Variants in TIE1 observed in about 807,000 individuals in gnomAD.
The protein encoded by TIE1 is tyrosine-protein kinase receptor Tie-1.
Under a neutral mutation model 130.5 loss-of-function variants are expected in TIE1, and 89 were observed. The observed-to-expected ratio is 0.68, with a 90% confidence interval of 0.57 to 0.81. The LOEUF (loss-of-function observed/expected upper bound fraction) is 0.81. Among genes scored for constraint, TIE1 ranks in the 40% least tolerant of loss-of-function variants. TIE1 has a pLI of 0.00. For synonymous variants in TIE1, 568 were observed against 629.4 expected (o/e 0.90, Z 1.46); for missense variants, 1,392 against 1,559.8 (o/e 0.89, Z 1.81).
At chr1:43,301,460 G>A (rs1479635541) in intron 1 of TIE1, among the ~76,000 whole-genome samples, 1 of 149,334 alleles carries the variant, frequency 6.7e-6, no homozygotes, top group Non-Finnish European at 1.5e-5. Context: ...CGTCTCCATT[G>A]TGTTTAGACT....
chr1:43,319,106 C>A lies in TIE1; in HGVS notation c.2923-129C>A, dbSNP rs1646888904. The A allele has an allele frequency of 3.0e-6, 2 of 677,568 alleles. No individual in the cohort carries two copies. Among genetic ancestry groups the A allele is most frequent in the East Asian group, 2.7e-5 (1 of 37,656 alleles). The allele number at this position is 677,568 out of a possible 1,614,324, so 42.0% of individuals were successfully genotyped here. A position where few individuals can be genotyped will look rare whatever the true frequency, so the allele number is the denominator to read the frequency against. On this transcript the variant is annotated intron_variant, in intron 17 of 22. Coordinates refer to ENST00000372476, the MANE Select transcript of TIE1 (RefSeq NM_005424.5). This position sits in a 1 kb window ranked among gnomAD's most constrained non-coding sequence, Gnocchi z 4.7. ...AGATATGAGTCAGCTGACGAGATTG[C>A]AGCCAGGAGGGTAGGAGTATGGGGT...
rs1464187085 is a variant in TIE1, at chr1:43,303,394, ATC to A, written c.59-1456_59-1455del. On this transcript the variant is annotated intron_variant, in intron 1 of 22. Coordinates refer to ENST00000372476, the MANE Select transcript of TIE1 (RefSeq NM_005424.5). The stretch of plus-strand genomic sequence containing the variant: ...ATCCTCCTCTGTAACTGGAAAGAAT[ATC>A]CACTTCACTGGTTGTGAGGATCCAG... 2.0e-5 allele frequency among the ~76,000 whole-genome samples: 3 copies of A among 152,178 alleles called. No homozygotes were observed. The East Asian group carries it at 5.8e-4, about 29-fold the overall frequency.
rs761296237 is a variant in TIE1 at position 43,312,068 on chromosome 1, C to A, written c.1567C>A (p.Arg523=). The change falls in exon 11 of 23, where the codon CGG becomes AGG. Residue 523 remains arginine, a synonymous_variant. Coordinates refer to ENST00000372476, the MANE Select transcript of TIE1 (RefSeq NM_005424.5). The surrounding 1 kb of genome is among the most constrained non-coding windows in gnomAD (Gnocchi z 5.6). ...ATACAGTGTTCGTGTGCAGCTGAGCCGGCCAGGGGAAGGAGGAGAGGGGGC... is the reference window on the plus strand; with the variant it reads ...ATACAGTGTTCGTGTGCAGCTGAGCAGGCCAGGGGAAGGAGGAGAGGGGGC... The part of the protein sequence containing the change: ...TGYSVRVQLS[R]PGEGGEGAWG... 47 of 1,605,760 alleles carry A rather than the reference C, an allele frequency of 2.9e-5. No individual in the cohort carries two copies. Among genetic ancestry groups the A allele is most frequent in the Non-Finnish European group, 3.8e-5 (45 of 1,174,652 alleles).
In TIE1 at chr1:43,301,080, G is replaced by A; in HGVS notation, c.9G>A (p.Trp3Ter). MV[W>*]RVPPFLLPIL... is the part of the protein sequence containing the mutation. ...GGGTCGGCCTCTGGAGTATGGTCTG[G>A]CGGGTGCCCCCTTTCTTGCTCCCCA... The change falls in exon 1 of 23, where the codon TGG becomes TGA. Residue 3 changes from tryptophan to a stop codon, truncating the protein, a stop_gained. Coordinates refer to ENST00000372476, the MANE Select transcript of TIE1 (RefSeq NM_005424.5). LOFTEE classifies it high-confidence loss of function. 1 of 1,613,888 alleles carries A rather than the reference G, an allele frequency of 6.2e-7. No individual in the cohort carries two copies. Among genetic ancestry groups the A allele is most frequent in the East Asian group, 2.2e-5 (1 of 44,858 alleles).
Position 43,317,186 on chromosome 1 carries a change from T to C in TIE1, c.2410-13T>C, listed in dbSNP as rs376589927. ...TGCGTGGACCGTCTGCCCTCTTGTC[T>C]CATCCTGTGAAGGGCGAGGAGACCA... On this transcript the variant is annotated splice_polypyrimidine_tract_variant and intron_variant, in intron 14 of 22. Coordinates refer to ENST00000372476, the MANE Select transcript of TIE1 (RefSeq NM_005424.5). This position sits in a 1 kb window ranked among gnomAD's most constrained non-coding sequence, Gnocchi z 5.1. The C allele has an allele frequency of 2.5e-6, 4 of 1,613,754 alleles. No homozygotes were observed. The African/African-American group carries it at 4.0e-5, about 16-fold the overall frequency.
Position 43,307,220 on chromosome 1 carries a change from A to C in TIE1, c.719A>C (p.His240Pro), listed in dbSNP as rs779186440. 1 of 1,614,176 alleles carries C rather than the reference A, an allele frequency of 6.2e-7. No homozygotes were observed. Reference sequence around the variant, plus strand: ...CTACATGGAGGTGTCTGCCACGACCATGACGGCGAATGTGTATGCCCCCCT... The same window carrying C: ...CTACATGGAGGTGTCTGCCACGACCCTGACGGCGAATGTGTATGCCCCCCT... The part of the protein sequence containing the change: ...GCLHGGVCHD[H>P]DGECVCPPGF... Residue 240 changes from histidine to proline, a missense_variant, in exon 5 of 23, where the codon CAT becomes CCT. His to Pro is a moderately conservative substitution (Grantham distance 77). Transcript: ENST00000372476. The surrounding 1 kb of genome is among the most constrained non-coding windows in gnomAD (Gnocchi z 5.4).
chr1:43,313,778 G>A lies in TIE1; in HGVS notation c.2219G>A (p.Gly740Glu). The A allele has an allele frequency of 6.2e-7, 1 of 1,611,000 alleles. No individual in the cohort carries two copies. Among genetic ancestry groups the A allele is most frequent in the Non-Finnish European group, 8.5e-7 (1 of 1,178,780 alleles). The part of the protein sequence containing the change: ...NTVEESTLGN[G>E]LQAEGPVQES... ...AATCTGCCCCTCTCACTGTGTCCAG[G>A]GCTGCAGGCTGAGGGCCCAGTCCAA... Residue 740 changes from glycine (G) to glutamate (E), a missense_variant and splice_region_variant, in exon 14 of 23, where the codon GGG (glycine) becomes GAG (glutamate). Gly to Glu is a moderately conservative substitution (Grantham distance 98, BLOSUM62 -2). Around this residue, in one of 6 missense-constraint regions of TIE1, gnomAD observed 551 missense variants for 565.5 expected, o/e 0.97. Transcript: ENST00000372476. This position sits in a 1 kb window ranked among gnomAD's most constrained non-coding sequence, Gnocchi z 6.2.
At position 43,311,818 on chromosome 1, in the gene TIE1, C is replaced by T. The variant is rs768104661; in HGVS notation, c.1481C>T (p.Ser494Leu). The T allele has an allele frequency of 3.7e-6, 6 of 1,612,966 alleles. No homozygotes were observed. Among genetic ancestry groups the T allele is most frequent in the African/African-American group, 2.7e-5 (2 of 74,852 alleles). Residue 494 changes from serine to leucine, a missense_variant, in exon 10 of 23, where the codon TCG (serine) becomes TTG (leucine). By Grantham distance (145) the Ser-to-Leu change is moderately radical. Around this residue, in one of 6 missense-constraint regions of TIE1, gnomAD observed 551 missense variants for 565.5 expected, o/e 0.97. Transcript: ENST00000372476. Reference protein sequence around the residue: ...YRPQDSTMDWSTIVVDPSENV... With the variant: ...YRPQDSTMDWLTIVVDPSENV... ...CCCCAGGACAGTACCATGGACTGGTCGACCATTGTGGGTGAGTAGGGAGAG... is the reference window on the plus strand; with the variant it reads ...CCCCAGGACAGTACCATGGACTGGTTGACCATTGTGGGTGAGTAGGGAGAG...
rs1306787603 is a variant in TIE1 at position 43,322,692 on chromosome 1, G to C, written c.3387G>C (p.Ala1129=). 1 of 1,613,880 alleles carries C rather than the reference G, an allele frequency of 6.2e-7. No homozygotes were observed. Among genetic ancestry groups the C allele is most frequent in the Admixed American group, 1.7e-5 (1 of 59,988 alleles). Residue 1129 remains alanine (A), a synonymous_variant, in exon 23 of 23, where the codon GCG becomes GCC. Transcript: ENST00000372476. This position sits in a 1 kb window ranked among gnomAD's most constrained non-coding sequence, Gnocchi z 4.0. ...CGCTGTTTGAGAACTTCACTTACGC[G>C]GGCATTGATGCCACAGCTGAGGAGG... The part of the protein sequence containing the change: ...NMSLFENFTY[A]GIDATAEEA
In TIE1 at chr1:43,312,080, G is replaced by A; in HGVS notation, c.1579G>A (p.Gly527Arg). The change falls in exon 11 of 23, where the codon GGA becomes AGA. Residue 527 changes from glycine (G) to arginine (R), a missense_variant. Coordinates refer to ENST00000372476, the MANE Select transcript of TIE1 (RefSeq NM_005424.5). The surrounding 1 kb of genome is among the most constrained non-coding windows in gnomAD (Gnocchi z 5.6). ...TGTGCAGCTGAGCCGGCCAGGGGAA[G>A]GAGGAGAGGGGGCCTGGGGGCCTCC... The part of the protein sequence containing the change: ...VRVQLSRPGE[G>R]GEGAWGPPTL... The A allele has an allele frequency of 6.2e-7, 1 of 1,600,748 alleles. No individual in the cohort carries two copies. Among genetic ancestry groups the A allele is most frequent in the Non-Finnish European group, 8.5e-7 (1 of 1,171,866 alleles).
chr1:43,313,792 G>A lies in TIE1; in HGVS notation c.2233G>A (p.Gly745Ser), dbSNP rs771927064. The A allele has an allele frequency of 1.1e-5, 17 of 1,612,536 alleles. No homozygotes were observed. In the South Asian group the frequency reaches 1.8e-4, roughly 17 times the overall value. The stretch of plus-strand genomic sequence containing the variant: ...ACTGTGTCCAGGGCTGCAGGCTGAG[G>A]GCCCAGTCCAAGAGAGCCGGGCAGC... The part of the protein sequence containing the change: ...STLGNGLQAE[G>S]PVQESRAAEE... Residue 745 changes from glycine (G) to serine (S), a missense_variant, in exon 14 of 23, where the codon GGC becomes AGC. By Grantham distance (56) the Gly-to-Ser change is moderately conservative (BLOSUM62 0). Around this residue, in one of 6 missense-constraint regions of TIE1, gnomAD observed 551 missense variants for 565.5 expected, o/e 0.97. Coordinates refer to ENST00000372476, the MANE Select transcript of TIE1 (RefSeq NM_005424.5). The surrounding 1 kb of genome is among the most constrained non-coding windows in gnomAD (Gnocchi z 6.2).
chr1:43,302,128 C>T (rs1646676684), intron 1 of TIE1, among the ~76,000 whole-genome samples: 1 of 152,136 alleles, frequency 6.6e-6, no homozygotes, highest in South Asian at 2.1e-4. Flanking sequence ...GTGTTGGATT[C>T]ACTCAGTTGT....
In TIE1 at chr1:43,311,953, G is replaced by C. The variant is rs779951182; in HGVS notation, c.1493-41G>C. ...AGGGAGCATGGCAGCTTCTAGAAGA[G>C]GTGGGGGCTGAATAATGTGTGCTTT... On this transcript the variant is annotated intron_variant, in intron 10 of 22. Transcript: ENST00000372476. 3.2e-6 allele frequency: 5 copies of C among 1,562,336 alleles called. No individual in the cohort carries two copies. In the African/African-American group the frequency reaches 5.4e-5, roughly 17 times the overall value.
intron 14 of TIE1, chr1:43,314,500 T>A: frequency 1.0e-6 from 1 of 1,003,204 alleles, no homozygotes; most frequent in East Asian, 1.1e-4. Context: ...ATCCTAACCT[T>A]CATTCTTGCA....
At position 43,321,262 on chromosome 1, in the gene TIE1, A is replaced by G. The variant is rs777099971; in HGVS notation, c.3108-7A>G. 14 of 1,614,030 alleles carry G rather than the reference A, an allele frequency of 8.7e-6. No individual in the cohort carries two copies. In the South Asian group the frequency reaches 1.5e-4, roughly 18 times the overall value. On this transcript the variant is annotated splice_region_variant and splice_polypyrimidine_tract_variant and intron_variant, in intron 19 of 22. Coordinates refer to ENST00000372476, the MANE Select transcript of TIE1 (RefSeq NM_005424.5). The stretch of plus-strand genomic sequence containing the variant: ...GAAGGTAACTAAGTGCATCCTTCTT[A>G]TTTCAGCTGGTCCTTTGGAGTCCTT...
At chr1:43,311,532 C>A in intron 9 of TIE1, 139 bp from the exon 10 acceptor site, 1 of 1,156,816 alleles carries the variant, frequency 8.6e-7, no homozygotes, top group Non-Finnish European at 1.2e-6. Flanking sequence ...TGAACTCTGT[C>A]CTCCCTGGGC....
Position 43,317,833 on chromosome 1 carries a change from C to T in TIE1, c.2732-49C>T, listed in dbSNP as rs1380321970. The T allele has an allele frequency of 6.2e-7, 1 of 1,601,156 alleles. No individual in the cohort carries two copies. The highest frequency in any genetic ancestry group is 1.3e-5 in the African/African-American group (1 of 74,832). ...TTACCATCGGGTGCCTGCTCCCACC[C>T]TAGGTTGCCTGTGTCTAAATCACCA... is the stretch of plus-strand genomic sequence containing the variant. On this transcript the variant is annotated intron_variant, in intron 16 of 22. Transcript: ENST00000372476. This position sits in a 1 kb window ranked among gnomAD's most constrained non-coding sequence, Gnocchi z 5.1.
In TIE1 at chr1:43,321,619, C is replaced by T. The variant is rs924767955; in HGVS notation, c.3249C>T (p.Tyr1083=). The change falls in exon 22 of 23, where the codon TAC becomes TAT. Residue 1083 remains tyrosine (Y), a synonymous_variant. Coordinates refer to ENST00000372476, the MANE Select transcript of TIE1 (RefSeq NM_005424.5). ...EQPRNCDDEV[Y]ELMRQCWRDR... is the part of the protein sequence containing the mutation. ...TCTCAGCAATGCCCCCTCGCAGGTA[C>T]GAGCTGATGCGTCAGTGCTGGCGGG... 7.7e-6 allele frequency: 12 copies of T among 1,553,818 alleles called. No individual in the cohort carries two copies. The Admixed American group carries it at 1.2e-4, about 15-fold the overall frequency.
Position 43,313,855 on chromosome 1 carries a change from G to A in TIE1, c.2296G>A (p.Val766Met), listed in dbSNP as rs781494194. 3.7e-6 allele frequency: 6 copies of A among 1,614,118 alleles called. No individual in the cohort carries two copies. The South Asian group carries it at 5.5e-5, about 15-fold the overall frequency. The change falls in exon 14 of 23, where the codon GTG becomes ATG. Residue 766 changes from valine (V) to methionine (M), a missense_variant. Val to Met is a conservative substitution (Grantham distance 21, BLOSUM62 1). Coordinates refer to ENST00000372476, the MANE Select transcript of TIE1 (RefSeq NM_005424.5). This position sits in a 1 kb window ranked among gnomAD's most constrained non-coding sequence, Gnocchi z 6.2. ...GGATCAGCAGCTGATCCTGGCGGTG[G>A]TGGGCTCCGTGTCTGCCACCTGCCT... is the stretch of plus-strand genomic sequence containing the variant. ...GLDQQLILAV[V>M]GSVSATCLTI... is the part of the protein sequence containing the mutation.
Sources: gnomAD v4.1 joint callset for allele counts (sites outside exome capture counted in the v4.1 genomes callset) on GRCh38, gnomAD v4.1.1 for gene constraint, gnomAD v4.1.1 regional missense constraint, Gnocchi (gnomAD v3.1) non-coding constraint, MANE v1.5 for transcripts, NCBI Gene and HGNC (gene_info 2026-07-23, HGNC 2026-07-21) for gene names.